Variants in AKAP19 observed in about 807,000 individuals in gnomAD.
AKAP19 encodes A-kinase anchoring protein 19, also known as small A-kinase anchoring protein.
the AKAP19 span, among the ~76,000 whole-genome samples, chr2:190,036,166 CA>C: frequency 6.6e-6 from 1 of 152,084 alleles, no homozygotes; most frequent in Non-Finnish European, 1.5e-5. Context: ...TTACTCAAGG[CA>C]AAAAGATTCA....
chr2:189,998,771 C>CTTTTTTTTTTTTTTTTTTTTTTCT, the AKAP19 span, among the ~76,000 whole-genome samples: 1 of 97,546 alleles, frequency 1.0e-5, no homozygotes, highest in African/African-American at 4.3e-5. Flanking sequence ...TTCTTTCTTT[C>CTTTTTTTTTTTTTTTTTTTTTTCT]TTTTTTTTTT....
the AKAP19 span, among the ~76,000 whole-genome samples, chr2:190,155,364 C>G: frequency 1.1e-4 from 16 of 151,944 alleles, 1 homozygote; most frequent in African/African-American, 3.9e-4. Flanking sequence ...ATTAAAGGAG[C>G]CTCTCCACAG....
the AKAP19 span, among the ~76,000 whole-genome samples, chr2:189,888,082 G>T: frequency 6.6e-6 from 1 of 152,028 alleles, no homozygotes; most frequent in South Asian, 2.1e-4. Context: ...GGGTTTTTAT[G>T]GTTTTAGGTC....
chr2:190,010,186 G>A, the AKAP19 span, among the ~76,000 whole-genome samples: 1 of 152,188 alleles, frequency 6.6e-6, no homozygotes, highest in Non-Finnish European at 1.5e-5. Context: ...GGTGAGATGG[G>A]ATAGGATCTA....
chr2:189,911,176 T>C, the AKAP19 span, among the ~76,000 whole-genome samples: 1 of 152,140 alleles, frequency 6.6e-6, no homozygotes, highest in African/African-American at 2.4e-5. Flanking sequence ...CACATCTTGG[T>C]TGTAAGAATT....
At chr2:190,015,344 C>T in the AKAP19 span, among the ~76,000 whole-genome samples, 1 of 152,198 alleles carries the variant, frequency 6.6e-6, no homozygotes, top group African/African-American at 2.4e-5. Flanking sequence ...CACATGTAAG[C>T]CACCAAGGTT....
the AKAP19 span, among the ~76,000 whole-genome samples, chr2:190,112,712 G>A: frequency 6.6e-6 from 1 of 151,938 alleles, no homozygotes; most frequent in East Asian, 1.9e-4. Context: ...ATCATGATGT[G>A]GTGTTATTGT....
the AKAP19 span, among the ~76,000 whole-genome samples, chr2:190,117,198 T>C: frequency 6.6e-6 from 1 of 152,164 alleles, no homozygotes; most frequent in African/African-American, 2.4e-5. Context: ...GGAGCTGAAA[T>C]ATAGTGGCTT....
the AKAP19 span, among the ~76,000 whole-genome samples, chr2:190,012,776 T>C: frequency 6.6e-6 from 1 of 152,212 alleles, no homozygotes; most frequent in Non-Finnish European, 1.5e-5. Context: ...TGTGTTGATT[T>C]CTAAATTTCT....
the AKAP19 span, among the ~76,000 whole-genome samples, chr2:190,143,517 A>G: frequency 1.3e-5 from 2 of 152,210 alleles, no homozygotes; most frequent in East Asian, 3.9e-4. Context: ...CCTTATCATC[A>G]TATGTTTATG....
At chr2:190,042,704 G>A in the AKAP19 span, among the ~76,000 whole-genome samples, 2 of 152,036 alleles carry the variant, frequency 1.3e-5, no homozygotes, top group Admixed American at 6.6e-5. Context: ...ATTAATAGTG[G>A]CTATTAACAT....
the AKAP19 span, among the ~76,000 whole-genome samples, chr2:190,033,395 A>C: frequency 2.0e-5 from 3 of 152,318 alleles, no homozygotes; most frequent in South Asian, 6.2e-4. Flanking sequence ...GTCTGCGTAT[A>C]GGCAAAAATA....
the AKAP19 span, among the ~76,000 whole-genome samples, chr2:190,069,884 C>T: frequency 0.024 from 3,721 of 152,170 alleles, 166 homozygotes; most frequent in East Asian, 0.18. Context: ...TTATTCTATC[C>T]ACTCTATTCA....
the AKAP19 span, among the ~76,000 whole-genome samples, chr2:190,051,466 A>G: frequency 6.6e-6 from 1 of 152,198 alleles, no homozygotes; most frequent in African/African-American, 2.4e-5. Context: ...TGTCTGGTCA[A>G]GCTGGATAGG....
At chr2:189,978,193 A>G in the AKAP19 span, among the ~76,000 whole-genome samples, 1 of 152,224 alleles carries the variant, frequency 6.6e-6, no homozygotes. Flanking sequence ...CCATCATCCA[A>G]ATAGTGAACA....
At chr2:190,004,803 G>A in the AKAP19 span, among the ~76,000 whole-genome samples, 1 of 152,088 alleles carries the variant, frequency 6.6e-6, no homozygotes, top group Non-Finnish European at 1.5e-5. Flanking sequence ...ACTCACAAGG[G>A]AAAGGCACCA....
the AKAP19 span, among the ~76,000 whole-genome samples, chr2:189,899,875 A>G: frequency 6.6e-6 from 1 of 152,136 alleles, no homozygotes; most frequent in Non-Finnish European, 1.5e-5. Flanking sequence ...TATTTTAGAA[A>G]TGGTAGAAAA....
At chr2:189,995,337 G>A in the AKAP19 span, among the ~76,000 whole-genome samples, 31,080 of 152,080 alleles carry the variant, frequency 0.2, 3,413 homozygotes, top group African/African-American at 0.29. Flanking sequence ...ATATTTTCCC[G>A]TTAGACTGAT....
chr2:189,983,728 C>T, the AKAP19 span, among the ~76,000 whole-genome samples: 4 of 152,194 alleles, frequency 2.6e-5, no homozygotes, highest in Non-Finnish European at 4.4e-5. Context: ...CCATTGGTCC[C>T]TTGTGCTTGC....
Sources: gnomAD v4.1 joint callset for allele counts (sites outside exome capture counted in the v4.1 genomes callset) on GRCh38, gnomAD v4.1.1 for gene constraint, MANE v1.5 for transcripts, NCBI Gene and HGNC (gene_info 2026-07-23, HGNC 2026-07-21) for gene names.